HEATR5A: variants seen among roughly 807,000 people sequenced by gnomAD.
The protein encoded by HEATR5A is HEAT repeat-containing protein 5A.
Under a neutral mutation model 218.8 loss-of-function variants are expected in HEATR5A, and 178 were observed. That is an observed-to-expected ratio of 0.81 (90% CI 0.72 to 0.92). The LOEUF (loss-of-function observed/expected upper bound fraction) is 0.92, where lower values mean the gene tolerates loss of function less well. Among genes scored for constraint, HEATR5A ranks in the 40% least tolerant of loss-of-function variants. The pLI, the probability that HEATR5A is intolerant of heterozygous loss-of-function variation, is 0.00. For missense variants in HEATR5A, 2,420 were observed against 2,418.9 expected (o/e 1.00, Z -0.01); for synonymous variants, 864 against 871.6 (o/e 0.99, Z 0.15).
At chr14:31,404,517 TAA>T in intron 1 of HEATR5A, among the ~76,000 whole-genome samples, 1 of 152,254 alleles carries the variant, frequency 6.6e-6, no homozygotes, top group Middle Eastern at 3.4e-3. Flanking sequence ...GCCTCTTTAA[TAA>T]AAAGACAGTA....
rs1277292499 is a variant in HEATR5A at position 31,420,520 on chromosome 14, AC to A, written c.-124del. 3 of 152,430 alleles carry A rather than the reference AC, an allele frequency of 2.0e-5. No individual in the cohort carries two copies. The highest frequency in any genetic ancestry group is 6.5e-5 in the Admixed American group (1 of 15,306). The allele number at this position is 152,430 out of a possible 1,614,324, so 9.4% of individuals were successfully genotyped here. On this transcript the variant is annotated 5_prime_UTR_variant, in exon 1 of 36. Coordinates refer to ENST00000543095, the MANE Select transcript of HEATR5A (RefSeq NM_015473.4). The stretch of plus-strand genomic sequence containing the variant: ...GCGTGCGTCCCGGTCCAGCAACGTT[AC>A]CGGCTGCTCTGCTAACCCTAGCAGA...
chr14:31,383,823 C>A (rs772893487), intron 9 of HEATR5A, 52 bp from the exon 10 acceptor site: 14 of 1,472,026 alleles, frequency 9.5e-6, no homozygotes, highest in African/African-American at 1.4e-5. Context: ...ACTCACCTGA[C>A]CATAAAATAG....
At chr14:31,336,044 T>C (rs868856389) in intron 22 of HEATR5A, among the ~76,000 whole-genome samples, 13 of 150,176 alleles carry the variant, frequency 8.7e-5, no homozygotes, top group Admixed American at 2.0e-4. Context: ...GCATAATAAC[T>C]CACAGCAACC....
At chr14:31,342,950 C>A (rs1900886106) in intron 21 of HEATR5A, among the ~76,000 whole-genome samples, 1 of 152,198 alleles carries the variant, frequency 6.6e-6, no homozygotes, top group Non-Finnish European at 1.5e-5. Context: ...TGATTTTCAA[C>A]AGTCACGTTA....
chr14:31,365,612 G>A (rs1170139089), intron 13 of HEATR5A, among the ~76,000 whole-genome samples: 3 of 150,828 alleles, frequency 2.0e-5, no homozygotes, highest in African/African-American at 7.3e-5. Context: ...CACCCACCTC[G>A]GCCTCCCAAA....
In HEATR5A at chr14:31,340,495, C is replaced by A. The variant is rs775232649; in HGVS notation, c.3229-2881G>T. 1.8e-5 allele frequency: 23 copies of A among 1,285,624 alleles called. 1 individual carries two copies. The South Asian group carries it at 2.8e-4, about 16-fold the overall frequency. The allele number at this position is 1,285,624 out of a possible 1,614,324, so 79.6% of individuals were successfully genotyped here. On this transcript the variant is annotated intron_variant, in intron 21 of 35. Coordinates refer to ENST00000543095, the MANE Select transcript of HEATR5A (RefSeq NM_015473.4). The stretch of plus-strand genomic sequence containing the variant: ...AGATCTCCTGCACAAAAACAAATGA[C>A]ACACCAGTCATGACAAAACCAAAAG...
intron 1 of HEATR5A, among the ~76,000 whole-genome samples, chr14:31,407,580 TTA>T (rs1322007572): frequency 2.0e-5 from 3 of 149,216 alleles, no homozygotes; most frequent in African/African-American, 7.6e-5. Context: ...ATCACTTATT[TTA>T]TTTATATATA....
At chr14:31,384,270 CTG>C (rs369212488) in intron 9 of HEATR5A, among the ~76,000 whole-genome samples, 3 of 152,152 alleles carry the variant, frequency 2.0e-5, no homozygotes, top group African/African-American at 7.2e-5. Context: ...TGACAAAGCC[CTG>C]TCTCTACCAA....
chr14:31,293,512 G>A lies in HEATR5A; in HGVS notation c.5934C>T (p.Asp1978=), dbSNP rs772070584. Reference sequence around the variant, plus strand: ...TTTGCATGAGATTTTGTAGAGCAAAGTCATGTAAATTTCTCATTATGGAAG... The same window carrying A: ...TTTGCATGAGATTTTGTAGAGCAAAATCATGTAAATTTCTCATTATGGAAG... ...SATSIMRNLH[D]FALQNLMQIG... is the part of the protein sequence containing the mutation. The change falls in exon 36 of 36, where the codon GAC becomes GAT. Residue 1978 remains aspartate (D), a synonymous_variant. Transcript: ENST00000543095. 1.9e-6 allele frequency: 3 copies of A among 1,613,794 alleles called. No individual in the cohort carries two copies. Among genetic ancestry groups the A allele is most frequent in the South Asian group, 1.1e-5 (1 of 91,074 alleles).
chr14:31,420,121 G>C (rs2031596360), intron 1 of HEATR5A: 1 of 152,394 alleles, frequency 6.6e-6, no homozygotes, highest in Non-Finnish European at 1.5e-5. Flanking sequence ...GGCAACCCCG[G>C]CTCCCGCTGG....
chr14:31,320,357 A>C, intron 25 of HEATR5A: 1 of 875,474 alleles, frequency 1.1e-6, no homozygotes, highest in South Asian at 1.3e-5. Context: ...GACAATAATC[A>C]AGCTGCCAAA....
chr14:31,380,248 T>A (rs552327171), intron 11 of HEATR5A, among the ~76,000 whole-genome samples: 2 of 152,330 alleles, frequency 1.3e-5, no homozygotes, highest in Admixed American at 6.5e-5. Flanking sequence ...AGGCTTATCA[T>A]CTAGCCCGGA....
intron 21 of HEATR5A, among the ~76,000 whole-genome samples, chr14:31,343,504 A>T (rs1376061822): frequency 6.6e-6 from 1 of 152,188 alleles, no homozygotes; most frequent in Non-Finnish European, 1.5e-5. Context: ...TATTAAGGAA[A>T]AGTGTTATTT....
intron 16 of HEATR5A, among the ~76,000 whole-genome samples, chr14:31,353,825 AGT>A (rs745486619): frequency 8.4e-5 from 7 of 83,658 alleles, no homozygotes; most frequent in Non-Finnish European, 2.3e-4. Flanking sequence ...TTTGAGATGG[AGT>A]CTCGCTCTGT....
chr14:31,335,741 C>T (rs1013304344), intron 22 of HEATR5A, among the ~76,000 whole-genome samples: 2 of 152,078 alleles, frequency 1.3e-5, no homozygotes, highest in Admixed American at 6.6e-5. Context: ...ACAACCTCCC[C>T]CTCCTGGGTT....
chr14:31,336,213 C>CACACACACACACAT (rs758047507), intron 22 of HEATR5A, among the ~76,000 whole-genome samples: 19 of 90,736 alleles, frequency 2.1e-4, no homozygotes, highest in African/African-American at 6.2e-4. Flanking sequence ...TATATACATA[C>CACACACACACACAT]ATACATATAT....
chr14:31,378,579 A>G (rs2029872257), intron 11 of HEATR5A, among the ~76,000 whole-genome samples: 1 of 152,114 alleles, frequency 6.6e-6, no homozygotes, highest in Non-Finnish European at 1.5e-5. Context: ...CGAAGTCAGC[A>G]CATCGAGGCC....
At chr14:31,353,776 C>A (rs1380731424) in intron 16 of HEATR5A, among the ~76,000 whole-genome samples, 1 of 151,858 alleles carries the variant, frequency 6.6e-6, no homozygotes, top group Admixed American at 6.6e-5. Flanking sequence ...GTTTTCTGCC[C>A]ATTGTTTAAG....
intron 16 of HEATR5A, among the ~76,000 whole-genome samples, chr14:31,356,418 T>C (rs1901428927): frequency 6.6e-6 from 1 of 152,092 alleles, no homozygotes; most frequent in Non-Finnish European, 1.5e-5. Flanking sequence ...TTTATTTTTG[T>C]AGAGAAGGAG....
Sources: allele counts gnomAD v4.1 joint callset (sites outside exome capture counted in the v4.1 genomes callset), GRCh38; gene constraint gnomAD v4.1.1; transcripts MANE v1.5; gene names NCBI Gene and HGNC (gene_info 2026-07-23, HGNC 2026-07-21).